LIMA1: variants seen among roughly 807,000 people sequenced by gnomAD.
LIMA1 encodes LIM domain and actin binding 1, also known as LIM domain and actin-binding protein 1.
LIMA1 carries 52 observed loss-of-function variants against 62.6 expected under a neutral mutation model. The ratio of observed to expected loss-of-function variants is 0.83; its 90% confidence interval spans 0.67 to 1.05. The LOEUF (loss-of-function observed/expected upper bound fraction) is 1.05, where lower values mean the gene tolerates loss of function less well. Among genes scored for constraint, LIMA1 ranks in the 50% least tolerant of loss-of-function variants. LIMA1 has a pLI of 0.00. For missense variants in LIMA1, 780 were observed against 902.2 expected, an observed-to-expected ratio of 0.86 and a Z score of 1.74; for synonymous variants, 302 against 317.8, an observed-to-expected ratio of 0.95 and a Z score of 0.53.
At chr12:50,181,683 G>A (rs556543710) in intron 10 of LIMA1, among the ~76,000 whole-genome samples, 5 of 152,150 alleles carry the variant, frequency 3.3e-5, no homozygotes, top group South Asian at 2.1e-4. Flanking sequence ...TTTAAGCTTC[G>A]GTCCTAACAT....
At chr12:50,249,816 A>G (rs1941903621) in intron 1 of LIMA1, 1 of 152,190 alleles carries the variant, frequency 6.6e-6, no homozygotes, top group Admixed American at 6.5e-5. Flanking sequence ...AAGTACTGCT[A>G]ATTCACAGCT....
intron 4 of LIMA1, among the ~76,000 whole-genome samples, chr12:50,215,294 T>A (rs975461061): frequency 1.3e-5 from 2 of 152,134 alleles, no homozygotes; most frequent in Non-Finnish European, 2.9e-5. Flanking sequence ...TGATGCTATC[T>A]ATACATATCA....
At position 50,175,922 on chromosome 12, in the gene LIMA1, G is replaced by A. The variant is rs1050417714; in HGVS notation, c.*1142C>T. ...AATGCAGTACAAAGAAAAGCCTACA[G>A]CTTAAGACACCTCTCCCTCCCATCC... is the stretch of plus-strand genomic sequence containing the variant. On this transcript the variant is annotated 3_prime_UTR_variant, in exon 11 of 11. Coordinates refer to ENST00000341247, the MANE Select transcript of LIMA1 (RefSeq NM_016357.5). The A allele has an allele frequency of 1.5e-4, 23 of 152,088 alleles. No homozygotes were observed. The highest frequency in any genetic ancestry group is 4.4e-5 in the Non-Finnish European group (3 of 68,020). The allele number at this position is 152,088 out of a possible 1,614,324, so 9.4% of individuals were successfully genotyped here.
At chr12:50,201,022 C>G (rs1941038485) in intron 6 of LIMA1, 138 bp from the exon 7 acceptor site, 1 of 1,438,598 alleles carries the variant, frequency 7.0e-7, no homozygotes, top group African/African-American at 1.4e-5. Context: ...CCCTAACTCT[C>G]ACAAGCAAAA....
intron 8 of LIMA1, among the ~76,000 whole-genome samples, chr12:50,193,990 TATATA>T (rs774693186): frequency 1.2e-5 from 1 of 84,198 alleles, no homozygotes. Flanking sequence ...TATATATATA[TATATA>T]TATTTTTTTT....
intron 4 of LIMA1, among the ~76,000 whole-genome samples, chr12:50,208,529 A>C (rs1184791047): frequency 6.6e-6 from 1 of 152,098 alleles, no homozygotes; most frequent in Non-Finnish European, 1.5e-5. Context: ...ATGCGCCTGT[A>C]GTCCCAGGTA....
chr12:50,192,119 GA>G (rs1940789301), intron 9 of LIMA1, among the ~76,000 whole-genome samples: 1 of 148,084 alleles, frequency 6.8e-6, no homozygotes, highest in Middle Eastern at 3.4e-3. Context: ...CTGGGTGACA[GA>G]GCGAGATTCT....
intron 4 of LIMA1, among the ~76,000 whole-genome samples, chr12:50,210,337 C>T (rs928641995): frequency 2.0e-5 from 3 of 146,844 alleles, no homozygotes; most frequent in South Asian, 2.2e-4. Context: ...GCAGGAGAAT[C>T]GCTTGAACCA....
intron 1 of LIMA1, among the ~76,000 whole-genome samples, chr12:50,262,254 T>A (rs564446782): frequency 6.6e-6 from 1 of 152,124 alleles, no homozygotes; most frequent in Non-Finnish European, 1.5e-5. Flanking sequence ...AAAAGGAAGA[T>A]GAGAAATAAA....
intron 7 of LIMA1, among the ~76,000 whole-genome samples, chr12:50,198,219 T>C (rs1369310167): frequency 6.6e-6 from 1 of 152,200 alleles, no homozygotes; most frequent in African/African-American, 2.4e-5. Flanking sequence ...TCTGACAATA[T>C]ACCATCCTAC....
intron 1 of LIMA1, among the ~76,000 whole-genome samples, chr12:50,255,456 G>A (rs1342882324): frequency 6.6e-6 from 1 of 151,154 alleles, no homozygotes. Context: ...TACTCAAGAG[G>A]CTGAGGTGGG....
intron 4 of LIMA1, 58 bp from the exon 5 acceptor site, chr12:50,206,126 G>T: frequency 1.5e-6 from 2 of 1,329,092 alleles, no homozygotes; most frequent in Admixed American, 1.7e-5. Context: ...CTTGACGCAA[G>T]GTTCAACTTG....
intron 1 of LIMA1, among the ~76,000 whole-genome samples, chr12:50,267,138 C>T (rs1432920560): frequency 3.3e-5 from 5 of 151,352 alleles, no homozygotes; most frequent in Non-Finnish European, 7.4e-5. Context: ...TGCGCAATCT[C>T]GGCTCACTGC....
intron 2 of LIMA1, among the ~76,000 whole-genome samples, chr12:50,247,738 C>T (rs1941871873): frequency 1.3e-5 from 2 of 152,016 alleles, no homozygotes; most frequent in South Asian, 2.1e-4. Context: ...ATTCTCCTGC[C>T]TCAGCCTCCT....
At chr12:50,183,716 C>A (rs1035280939) in intron 9 of LIMA1, among the ~76,000 whole-genome samples, 4 of 142,018 alleles carry the variant, frequency 2.8e-5, no homozygotes, top group Admixed American at 2.3e-4. Flanking sequence ...GAGGCTGAGG[C>A]AGGAGAATCG....
At chr12:50,256,571 C>T (rs1225609857) in intron 1 of LIMA1, among the ~76,000 whole-genome samples, 1 of 152,138 alleles carries the variant, frequency 6.6e-6, no homozygotes, top group African/African-American at 2.4e-5. Context: ...ATTTAGTTGT[C>T]GTGTCTTCCT....
At chr12:50,278,942 T>C (rs1307570319) in intron 1 of LIMA1, among the ~76,000 whole-genome samples, 1 of 152,160 alleles carries the variant, frequency 6.6e-6, no homozygotes, top group African/African-American at 2.4e-5. Flanking sequence ...GAACAGATTA[T>C]GGAATATGGG....
At chr12:50,220,023 G>T (rs761763853) in intron 4 of LIMA1, among the ~76,000 whole-genome samples, 1 of 151,042 alleles carries the variant, frequency 6.6e-6, no homozygotes, top group African/African-American at 2.4e-5. Flanking sequence ...CAATCTGGTG[G>T]CCCAGTGCTA....
intron 4 of LIMA1, among the ~76,000 whole-genome samples, chr12:50,209,298 G>A (rs1049051723): frequency 2.6e-5 from 4 of 151,666 alleles, no homozygotes; most frequent in Non-Finnish European, 2.9e-5. Flanking sequence ...GGTTGGGTGC[G>A]GTGGCTCACA....
Sources: allele counts gnomAD v4.1 joint callset (sites outside exome capture counted in the v4.1 genomes callset), GRCh38; gene constraint gnomAD v4.1.1; transcripts MANE v1.5; gene names NCBI Gene and HGNC (gene_info 2026-07-23, HGNC 2026-07-21).